Variants in PTPRT observed in about 807,000 individuals in gnomAD.
The protein encoded by PTPRT is receptor-type tyrosine-protein phosphatase T.
PTPRT carries 56 observed loss-of-function variants against 176.8 expected under a neutral mutation model. The ratio of observed to expected loss-of-function variants is 0.32; its 90% CI spans 0.26 to 0.40. The LOEUF is 0.40. Among genes scored for constraint, PTPRT ranks in the 10% least tolerant of loss-of-function variants. PTPRT has a pLI of 1.00. For synonymous variants in PTPRT, 783 were observed against 739.0 expected (o/e 1.06, Z -0.96); for missense variants, 1,540 against 1,908.2 (o/e 0.81, Z 3.60).
At chr20:42,991,000 T>G (rs1983882839) in intron 1 of PTPRT, among the ~76,000 whole-genome samples, 1 of 152,034 alleles carries the variant, frequency 6.6e-6, no homozygotes, top group African/African-American at 2.4e-5. Context: ...ATTAGAAAAT[T>G]TAGGGGGTGA....
chr20:42,483,522 C>G (rs2071420441), intron 7 of PTPRT, among the ~76,000 whole-genome samples: 1 of 152,172 alleles, frequency 6.6e-6, no homozygotes, highest in African/African-American at 2.4e-5. Flanking sequence ...AGCTGTCACT[C>G]AAAAGCTTCT....
chr20:42,325,819 T>G (rs963358497), intron 11 of PTPRT, among the ~76,000 whole-genome samples: 1 of 152,174 alleles, frequency 6.6e-6, no homozygotes, highest in African/African-American at 2.4e-5. Context: ...CAAGACTCAC[T>G]CTTAAGAACT....
intron 1 of PTPRT, among the ~76,000 whole-genome samples, chr20:42,967,893 T>A (rs995306879): frequency 3.3e-5 from 5 of 152,130 alleles, no homozygotes. Context: ...TACACTTCAC[T>A]CAATGCTGGC....
At chr20:43,047,796 A>G (rs1986894816) in intron 1 of PTPRT, among the ~76,000 whole-genome samples, 2 of 152,150 alleles carry the variant, frequency 1.3e-5, no homozygotes, top group Admixed American at 1.3e-4. Flanking sequence ...AATTACCTCA[A>G]TTAATCCCCA....
intron 9 of PTPRT, among the ~76,000 whole-genome samples, chr20:42,380,443 C>T (rs1268073059): frequency 1.3e-5 from 2 of 152,176 alleles, no homozygotes; most frequent in Non-Finnish European, 2.9e-5. Context: ...TTCCCTTAGC[C>T]CCAGGCCTGC....
intron 1 of PTPRT, among the ~76,000 whole-genome samples, chr20:43,110,947 G>A (rs1328636611): frequency 6.6e-6 from 1 of 152,184 alleles, no homozygotes; most frequent in Non-Finnish European, 1.5e-5. Context: ...CAACTCGAAT[G>A]AGGTCCAATG....
chr20:42,295,953 G>C (rs1238338714), intron 12 of PTPRT, among the ~76,000 whole-genome samples: 1 of 152,210 alleles, frequency 6.6e-6, no homozygotes, highest in Non-Finnish European at 1.5e-5. Context: ...CGCCATGACT[G>C]TAAGTTTCCT....
intron 1 of PTPRT, among the ~76,000 whole-genome samples, chr20:43,012,164 T>C (rs1985162683): frequency 6.6e-6 from 1 of 152,154 alleles, no homozygotes; most frequent in Admixed American, 6.5e-5. Context: ...AACTCCCCAT[T>C]ATATATACAT....
rs371756335 is a variant in PTPRT, at chr20:43,037,649, G to GTT, written c.89-151719_89-151718dup. Among the ~76,000 whole-genome samples the GTT allele has an allele frequency of 6.2e-3, 934 of 151,412 alleles. 14 individuals carry two copies. Among genetic ancestry groups the GTT allele is most frequent in the African/African-American group, 0.022 (906 of 41,282 alleles). On this transcript the variant is annotated intron_variant, in intron 1 of 30. Coordinates refer to ENST00000373187, the MANE Select transcript of PTPRT (RefSeq NM_007050.6). Reference sequence around the variant, plus strand: ...TGAAAGTGAAAAAGTTCTGAAACCTGTTTTTTTTTGTTTGTTTTTCATAAG... The same window carrying GTT: ...TGAAAGTGAAAAAGTTCTGAAACCTGTTTTTTTTTTTGTTTGTTTTTCATAAG...
In PTPRT at chr20:42,678,075, A is replaced by G. The variant is rs2075539149; in HGVS notation, c.944T>C (p.Ile315Thr). The G allele has an allele frequency of 2.5e-6, 4 of 1,614,150 alleles. No individual in the cohort carries two copies. The East Asian group carries it at 8.9e-5, about 36-fold the overall frequency. Reference sequence around the variant, plus strand: ...CTTCAGGATGATGGGGCCATCCCCGATGATGGAGTTGGCATTTGGCTTGAT... The same window carrying G: ...CTTCAGGATGATGGGGCCATCCCCGGTGATGGAGTTGGCATTTGGCTTGAT... ...LWIKPNANSI[I>T]GDGPIILKEV... is the part of the protein sequence containing the mutation. Residue 315 changes from isoleucine (I) to threonine (T), a missense_variant, in exon 7 of 31, where the codon ATC becomes ACC. Physicochemically the swap from Ile to Thr is moderately conservative, Grantham distance 89. This residue lies in a region of PTPRT where 273 missense variants were observed against 432.1 expected (regional missense o/e 0.63). Transcript: ENST00000373187.
At chr20:43,019,029 T>C (rs897707172) in intron 1 of PTPRT, among the ~76,000 whole-genome samples, 4 of 152,212 alleles carry the variant, frequency 2.6e-5, no homozygotes, top group Admixed American at 6.5e-5. Flanking sequence ...TATCACAACA[T>C]TGTTTGAAAA....
intron 8 of PTPRT, among the ~76,000 whole-genome samples, chr20:42,458,070 C>G (rs2070954448): frequency 6.6e-6 from 1 of 152,136 alleles, no homozygotes; most frequent in South Asian, 2.1e-4. Flanking sequence ...CCTCCAATTC[C>G]CTAAGGGGTT....
intron 1 of PTPRT, among the ~76,000 whole-genome samples, chr20:43,004,918 G>A (rs966549585): frequency 6.6e-6 from 1 of 152,136 alleles, no homozygotes; most frequent in Non-Finnish European, 1.5e-5. Flanking sequence ...AATAACTTGT[G>A]TGGGAATTTG....
chr20:42,520,814 T>A (rs1247475400), intron 7 of PTPRT, among the ~76,000 whole-genome samples: 1 of 146,194 alleles, frequency 6.8e-6, no homozygotes, highest in Non-Finnish European at 1.5e-5. Flanking sequence ...TATATATATA[T>A]ATATATATGT....
chr20:42,518,895 A>T (rs1004540802), intron 7 of PTPRT, among the ~76,000 whole-genome samples: 5 of 152,072 alleles, frequency 3.3e-5, no homozygotes, highest in Non-Finnish European at 5.9e-5. Context: ...ACAGTATTTT[A>T]TTTATTTTCC....
chr20:42,320,282 C>T (rs1279006225), intron 11 of PTPRT, among the ~76,000 whole-genome samples: 1 of 152,190 alleles, frequency 6.6e-6, no homozygotes, highest in Non-Finnish European at 1.5e-5. Context: ...GACCATCTTC[C>T]TCCCTCTGGA....
intron 9 of PTPRT, among the ~76,000 whole-genome samples, chr20:42,409,406 C>T (rs1204865717): frequency 2.2e-5 from 3 of 136,698 alleles, no homozygotes; most frequent in Non-Finnish European, 4.6e-5. Flanking sequence ...TGCTTGAACC[C>T]GGGAGGTGGA....
intron 6 of PTPRT, among the ~76,000 whole-genome samples, chr20:42,747,634 C>T (rs138148098): frequency 6.6e-6 from 1 of 152,202 alleles, no homozygotes; most frequent in Non-Finnish European, 1.5e-5. Flanking sequence ...AAGTGAGCTA[C>T]ATAATTATCT....
chr20:42,267,552 A>G (rs981719906), intron 13 of PTPRT, among the ~76,000 whole-genome samples: 23 of 152,322 alleles, frequency 1.5e-4, no homozygotes, highest in African/African-American at 5.3e-4. Context: ...GGAGGTTTAT[A>G]ACAGAGGATG....
Sources: allele counts gnomAD v4.1 joint callset (sites outside exome capture counted in the v4.1 genomes callset), GRCh38; gene constraint gnomAD v4.1.1; regional missense constraint gnomAD v4.1.1; transcripts MANE v1.5; gene names NCBI Gene and HGNC (gene_info 2026-07-23, HGNC 2026-07-21).